The following ABCA13 variants were observed in gnomAD, a reference collection of about 807,000 sequenced individuals.
The protein encoded by ABCA13 is ATP binding cassette subfamily A member 13.
A neutral mutation model predicts 478.7 loss-of-function variants in ABCA13; 476 were observed. That is an observed-to-expected ratio of 0.99 (90% CI 0.92 to 1.07). The LOEUF (loss-of-function observed/expected upper bound fraction) is 1.07. ABCA13 is among the 50% of genes least tolerant of loss of function. The pLI, the probability that ABCA13 is intolerant of heterozygous loss-of-function variation, is 0.00. For missense variants in ABCA13, 6,060 were observed against 5,910.6 expected, an observed-to-expected ratio of 1.03 and a Z score of -0.83; for synonymous variants, 2,252 against 2,158.9, an observed-to-expected ratio of 1.04 and a Z score of -1.20.
intron 43 of ABCA13, among the ~76,000 whole-genome samples, chr7:48,460,177 A>G (rs1354879582): frequency 1.3e-5 from 2 of 152,186 alleles, no homozygotes; most frequent in African/African-American, 4.8e-5. Flanking sequence ...GTCGGTGCCC[A>G]CTGTCACCAT....
intron 27 of ABCA13, among the ~76,000 whole-genome samples, chr7:48,323,686 A>T (rs1803865143): frequency 1.3e-5 from 2 of 152,236 alleles, no homozygotes; most frequent in Non-Finnish European, 2.9e-5. Flanking sequence ...TCACACACCT[A>T]TCAAGTGGTG....
chr7:48,183,347 C>T (rs1795957582), intron 1 of ABCA13, among the ~76,000 whole-genome samples: 1 of 152,220 alleles, frequency 6.6e-6, no homozygotes, highest in African/African-American at 2.4e-5. Flanking sequence ...TGGAAAATTA[C>T]ATACTTAATC....
chr7:48,531,751 T>C (rs1833250313), intron 55 of ABCA13, among the ~76,000 whole-genome samples: 1 of 147,044 alleles, frequency 6.8e-6, no homozygotes, highest in Non-Finnish European at 1.5e-5. Flanking sequence ...TTTTTTTTTT[T>C]TTGCGGCTGT....
chr7:48,430,063 G>A lies in ABCA13; in HGVS notation c.12565+2192G>A, dbSNP rs180932678. Among the ~76,000 whole-genome samples, 313 of 152,252 alleles carry A rather than the reference G, an allele frequency of 2.1e-3. 1 individual carries two copies. Among genetic ancestry groups the A allele is most frequent in the Admixed American group, 4.1e-3 (62 of 15,290 alleles). ...TTCACCTCATAGAATGAGTTGAGAG[G>A]TGATCCCTTCTCTTCTATTTTGTGG... On this transcript the variant is annotated intron_variant, in intron 42 of 61. Transcript: ENST00000435803.
At position 48,376,466 on chromosome 7, in the gene ABCA13, G is replaced by A; in HGVS notation, c.11229G>A (p.Gln3743=). 1 of 1,613,818 alleles carries A rather than the reference G, an allele frequency of 6.2e-7. No homozygotes were observed. Among genetic ancestry groups the A allele is most frequent in the Non-Finnish European group, 8.5e-7 (1 of 1,179,824 alleles). Residue 3743 remains glutamine, a synonymous_variant, in exon 35 of 62, where the codon CAG becomes CAA. Coordinates refer to ENST00000435803, the MANE Select transcript of ABCA13 (RefSeq NM_152701.5). The part of the protein sequence containing the change: ...ETGIQWNNMY[Q]ALEQGGMTFG... ...GGATTCAATGGAATAATATGTACCA[G>A]GCTCTGGAACAAGGGGGCATGACAT... is the stretch of plus-strand genomic sequence containing the variant.
intron 43 of ABCA13, among the ~76,000 whole-genome samples, 178 bp downstream of exon 43, chr7:48,455,464 C>T (rs915178195): frequency 6.6e-6 from 1 of 152,220 alleles, no homozygotes; most frequent in African/African-American, 2.4e-5. Flanking sequence ...CTCAGGCTGT[C>T]TCAGGGCAGG....
chr7:48,274,470 AG>A lies in ABCA13; in HGVS notation c.4805del (p.Ser1602IlefsTer17), dbSNP rs1796030816. The A allele has an allele frequency of 1.2e-6, 2 of 1,613,776 alleles. No individual in the cohort carries two copies. Among genetic ancestry groups the A allele is most frequent in the Non-Finnish European group, 1.7e-6 (2 of 1,179,840 alleles). On this transcript the variant is annotated frameshift_variant, in exon 17 of 62. Transcript: ENST00000435803. LOFTEE classifies it high-confidence loss of function. ...SVGNSIYHLA[S>X]YLAFSLSHDL... ...AGGCAATTCCATTTATCACTTAGCT[AG>A]TTACCTTGCCTTCAGCTTATCTCAT...
intron 31 of ABCA13, among the ~76,000 whole-genome samples, chr7:48,359,186 G>T (rs748747399): frequency 6.6e-6 from 1 of 151,870 alleles, no homozygotes; most frequent in South Asian, 2.1e-4. Context: ...GAGGGGCAAC[G>T]CCAGGCACTG....
At chr7:48,429,672 T>C (rs1244395969) in intron 42 of ABCA13, among the ~76,000 whole-genome samples, 1 of 152,240 alleles carries the variant, frequency 6.6e-6, no homozygotes, top group Non-Finnish European at 1.5e-5. Context: ...TGGAATTGTG[T>C]GAGTTAAGTG....
intron 42 of ABCA13, among the ~76,000 whole-genome samples, chr7:48,443,422 A>G (rs1279744411): frequency 4.6e-5 from 7 of 152,200 alleles, no homozygotes; most frequent in Non-Finnish European, 1.0e-4. Context: ...GGCACTGGCC[A>G]TGGCACAGCA....
intron 55 of ABCA13, among the ~76,000 whole-genome samples, chr7:48,544,845 C>A (rs181977039): frequency 6.0e-4 from 91 of 151,888 alleles, no homozygotes; most frequent in African/African-American, 1.8e-3. Context: ...TGAAAGGGAG[C>A]GGTCTTGGGG....
chr7:48,458,025 T>A (rs1050296924), intron 43 of ABCA13, among the ~76,000 whole-genome samples: 3 of 152,218 alleles, frequency 2.0e-5, no homozygotes, highest in Non-Finnish European at 4.4e-5. Flanking sequence ...ACTGCTCTTG[T>A]TAGGAATTCT....
chr7:48,325,741 A>G (rs934146270), intron 27 of ABCA13, among the ~76,000 whole-genome samples: 16 of 152,192 alleles, frequency 1.1e-4, no homozygotes, highest in Admixed American at 2.6e-4. Context: ...AGAGATCTCT[A>G]AAGAATGCAG....
chr7:48,250,028 A>T (rs1792305583), intron 15 of ABCA13, among the ~76,000 whole-genome samples: 1 of 150,780 alleles, frequency 6.6e-6, no homozygotes, highest in Non-Finnish European at 1.5e-5. Flanking sequence ...TTGGGTATAA[A>T]TCAGGATTCC....
intron 1 of ABCA13, among the ~76,000 whole-genome samples, chr7:48,187,387 T>C (rs1435952532): frequency 1.3e-5 from 2 of 151,678 alleles, no homozygotes; most frequent in East Asian, 1.9e-4. Flanking sequence ...TTCTGAAATA[T>C]AGTATACTCT....
In ABCA13 at chr7:48,279,195, T is replaced by C; in HGVS notation, c.8001T>C (p.Ser2667=). The change falls in exon 18 of 62, where the codon TCT becomes TCC. Residue 2667 remains serine, a synonymous_variant. Coordinates refer to ENST00000435803, the MANE Select transcript of ABCA13 (RefSeq NM_152701.5). The part of the protein sequence containing the change: ...VAFNNETQTF[S]MDSVNLREEI... ...TTAACAATGAGACTCAAACATTTTCTATGGATTCTGTCAACTTACGGGAAG... is the reference window on the plus strand; with the variant it reads ...TTAACAATGAGACTCAAACATTTTCCATGGATTCTGTCAACTTACGGGAAG... The C allele has an allele frequency of 6.3e-7, 1 of 1,597,082 alleles. No homozygotes were observed. The highest frequency in any genetic ancestry group is 8.5e-7 in the Non-Finnish European group (1 of 1,171,392).
chr7:48,227,493 A>T, intron 6 of ABCA13, 68 bp downstream of exon 6: 1 of 1,512,522 alleles, frequency 6.6e-7, no homozygotes, highest in South Asian at 1.2e-5. Context: ...TTAAAATGAG[A>T]AATAAAAATT....
chr7:48,421,197 C>G (rs1820695468), intron 41 of ABCA13, among the ~76,000 whole-genome samples: 1 of 108,526 alleles, frequency 9.2e-6, no homozygotes, highest in African/African-American at 3.7e-5. Context: ...TTCCTTTTCT[C>G]TCTCTTTTTT....
At chr7:48,476,035 C>T (rs913129941) in intron 45 of ABCA13, among the ~76,000 whole-genome samples, 2 of 152,086 alleles carry the variant, frequency 1.3e-5, no homozygotes, top group Non-Finnish European at 2.9e-5. Context: ...TGTTTCTTGT[C>T]GCTGAGATAA....
Sources: allele counts gnomAD v4.1 joint callset (sites outside exome capture counted in the v4.1 genomes callset), GRCh38; gene constraint gnomAD v4.1.1; transcripts MANE v1.5; gene names NCBI Gene and HGNC (gene_info 2026-07-23, HGNC 2026-07-21).